TUBGCP5: variants seen among roughly 807,000 people sequenced by gnomAD.
The protein encoded by TUBGCP5 is gamma-tubulin complex component 5.
TUBGCP5 carries 98 observed loss-of-function variants against 134.7 expected under a neutral mutation model. That is an observed-to-expected ratio of 0.73 (90% CI 0.62 to 0.86). The LOEUF (loss-of-function observed/expected upper bound fraction) is 0.86, where lower values mean the gene tolerates loss of function less well. Ranked by LOEUF, TUBGCP5 falls within the 40% of genes least tolerant of loss-of-function variation. The pLI is 0.00. For synonymous variants in TUBGCP5, 456 were observed against 431.4 expected (o/e 1.06, Z -0.71); for missense variants, 1,150 against 1,244.8 (o/e 0.92, Z 1.15).
intron 15 of TUBGCP5, among the ~76,000 whole-genome samples, chr15:23,009,204 T>A (rs1050990055): frequency 6.6e-6 from 1 of 152,088 alleles, no homozygotes; most frequent in Non-Finnish European, 1.5e-5. Context: ...TTCTTTCCTG[T>A]CTTCTCTTCT....
Position 23,011,200 on chromosome 15 carries a change from A to C in TUBGCP5, c.1888T>G (p.Ser630Ala), listed in dbSNP as rs1314083101. ...AGTTCAAGATGGCTTTCAGCAATGG[A>C]CTGCATCTTCATCAGGTTCTCCTTG... The part of the protein sequence containing the change: ...ATKENLMKMQ[S>A]IAESHLELDD... Residue 630 changes from serine to alanine, a missense_variant, in exon 14 of 23, where the codon TCC becomes GCC. Around this residue, in one of 2 missense-constraint regions of TUBGCP5, gnomAD observed 697 missense variants for 850.1 expected, o/e 0.82. Transcript: ENST00000615383. The C allele has an allele frequency of 6.2e-7, 1 of 1,613,874 alleles. No individual in the cohort carries two copies. Among genetic ancestry groups the C allele is most frequent in the African/African-American group, 1.3e-5 (1 of 74,914 alleles).
At chr15:22,989,164 C>T (rs1205232385) in intron 23 of TUBGCP5, among the ~76,000 whole-genome samples, 2 of 152,164 alleles carry the variant, frequency 1.3e-5, no homozygotes, top group African/African-American at 4.8e-5. Flanking sequence ...CTAATTCCAT[C>T]TGCAATTTTA....
chr15:22,986,096 T>G (rs1426751087), intron 23 of TUBGCP5, among the ~76,000 whole-genome samples: 3 of 145,088 alleles, frequency 2.1e-5, no homozygotes, highest in Admixed American at 1.4e-4. Context: ...GTCACGCCAC[T>G]GCACTCCAGC....
intron 23 of TUBGCP5, among the ~76,000 whole-genome samples, chr15:22,987,292 C>T (rs1024317182): frequency 1.3e-5 from 2 of 150,806 alleles, no homozygotes; most frequent in African/African-American, 2.4e-5. Context: ...CAAGATCACT[C>T]CATTGTGCAC....
intron 18 of TUBGCP5, 161 bp from the exon 19 acceptor site, chr15:23,005,771 G>C: frequency 5.2e-6 from 4 of 763,356 alleles, no homozygotes; most frequent in Non-Finnish European, 8.3e-6. Flanking sequence ...GGAAGGTGCA[G>C]TGGGAAAAGT....
chr15:23,022,682 G>T (rs950545909), intron 10 of TUBGCP5, among the ~76,000 whole-genome samples: 1 of 152,196 alleles, frequency 6.6e-6, no homozygotes. Context: ...AAGTTCCTGC[G>T]ACACTGGTGA....
chr15:23,022,899 T>C (rs1300627769), intron 10 of TUBGCP5, among the ~76,000 whole-genome samples: 1 of 152,150 alleles, frequency 6.6e-6, no homozygotes, highest in Admixed American at 6.6e-5. Flanking sequence ...ACAGCTGTCA[T>C]ACTGGTGAAG....
In TUBGCP5 at chr15:23,026,166, T is replaced by C. The variant is rs1283595951; in HGVS notation, c.777A>G (p.Pro259=). The change falls in exon 8 of 23, where the codon CCA becomes CCG. Residue 259 remains proline, a synonymous_variant. Coordinates refer to ENST00000615383, the MANE Select transcript of TUBGCP5 (RefSeq NM_052903.6). ...TCTCAGTAACCAAAACCCTGTCATC[T>C]GGAACATACAATGGATCACTGCTGT... is the stretch of plus-strand genomic sequence containing the variant. ...HLYSSDPLYV[P]DDRVLVTETQ... 2 of 1,611,480 alleles carry C rather than the reference T, an allele frequency of 1.2e-6. No homozygotes were observed. Among genetic ancestry groups the C allele is most frequent in the Admixed American group, 3.4e-5 (2 of 59,196 alleles).
chr15:23,003,641 T>G (rs1013717961), intron 20 of TUBGCP5, among the ~76,000 whole-genome samples: 2 of 103,262 alleles, frequency 1.9e-5, no homozygotes, highest in Non-Finnish European at 4.3e-5. Flanking sequence ...TGTTTTTTTT[T>G]TTTTTTTTTT....
intron 11 of TUBGCP5, among the ~76,000 whole-genome samples, chr15:23,019,608 C>A (rs1176188652): frequency 1.3e-5 from 2 of 151,614 alleles, no homozygotes; most frequent in East Asian, 3.9e-4. Flanking sequence ...ACCATCCTGG[C>A]CAACATGGTG....
intron 5 of TUBGCP5, among the ~76,000 whole-genome samples, chr15:23,031,319 CTT>C (rs950599993): frequency 2.1e-5 from 3 of 144,500 alleles, no homozygotes; most frequent in Non-Finnish European, 3.1e-5. Flanking sequence ...CTTTTAACTT[CTT>C]TTTTTTTTTT....
At chr15:22,983,850 C>T (rs765424938) in intron 23 of TUBGCP5, among the ~76,000 whole-genome samples, 151 of 152,122 alleles carry the variant, frequency 9.9e-4, no homozygotes, top group Non-Finnish European at 3.1e-4. Flanking sequence ...AGGCCAGGTG[C>T]GGTGGCTCAT....
intron 18 of TUBGCP5, 95 bp downstream of exon 18, chr15:23,005,957 C>A: frequency 1.4e-5 from 16 of 1,177,592 alleles, no homozygotes; most frequent in South Asian, 2.0e-5. Flanking sequence ...TTTTTTTTTT[C>A]CAGATCCCCG....
downstream of TUBGCP5, among the ~76,000 whole-genome samples, chr15:22,997,677 C>T (rs911160457): frequency 7.9e-5 from 12 of 151,194 alleles, no homozygotes; most frequent in African/African-American, 2.7e-4. Context: ...AGTGCAGTGG[C>T]ATGATCTCAG....
intron 13 of TUBGCP5, among the ~76,000 whole-genome samples, chr15:23,016,983 T>C (rs546645470): frequency 3.4e-5 from 5 of 145,996 alleles, no homozygotes; most frequent in Admixed American, 2.0e-4. Flanking sequence ...TATATATATA[T>C]ATATGTATAT....
At chr15:23,010,432 T>C (rs769064348) in intron 14 of TUBGCP5, among the ~76,000 whole-genome samples, 68 of 152,226 alleles carry the variant, frequency 4.5e-4, no homozygotes, top group Middle Eastern at 6.8e-3. Flanking sequence ...ATGGACTAAG[T>C]GCCTAAAAGC....
At position 23,030,884 on chromosome 15, in the gene TUBGCP5, C is replaced by A. The variant is rs1285838162; in HGVS notation, c.622+1G>T. The A allele has an allele frequency of 6.2e-7, 1 of 1,609,910 alleles. No homozygotes were observed. The highest frequency in any genetic ancestry group is 8.5e-7 in the Non-Finnish European group (1 of 1,179,180). ...TGCGAGCACCTCATAACACATAATACCTTTCCAACTGATACAAGGATCCAG... is the reference window on the plus strand; with the variant it reads ...TGCGAGCACCTCATAACACATAATAACTTTCCAACTGATACAAGGATCCAG... On this transcript the variant is annotated splice_donor_variant, in intron 6 of 22. Transcript: ENST00000615383. LOFTEE classifies it high-confidence loss of function.
At chr15:22,989,725 T>C (rs112675294) in intron 23 of TUBGCP5, among the ~76,000 whole-genome samples, 5 of 152,220 alleles carry the variant, frequency 3.3e-5, no homozygotes, top group African/African-American at 1.2e-4. Context: ...CATTCCACAA[T>C]AGCATGATCT....
rs202246817 is a variant in TUBGCP5 at position 23,005,499 on chromosome 15, C to A, written c.2645G>T (p.Arg882Leu). ...GAGCTTCACTCTTAAGAGGAACATG[C>A]GATGAATCTGCTGTCTTACTGGTTC... ...QKEPVRQQIHRMFLLRVKLMH... is the reference protein window; with the variant it reads ...QKEPVRQQIHLMFLLRVKLMH... The change falls in exon 19 of 23, where the codon CGC (arginine) becomes CTC (leucine). Residue 882 changes from arginine (R) to leucine (L), a missense_variant. By Grantham distance (102) the Arg-to-Leu change is moderately radical (BLOSUM62 -2). Coordinates refer to ENST00000615383, the MANE Select transcript of TUBGCP5 (RefSeq NM_052903.6). 1 of 1,614,158 alleles carries A rather than the reference C, an allele frequency of 6.2e-7. No homozygotes were observed. The highest frequency in any genetic ancestry group is 8.5e-7 in the Non-Finnish European group (1 of 1,180,026).
Sources: allele counts gnomAD v4.1 joint callset (sites outside exome capture counted in the v4.1 genomes callset), GRCh38; gene constraint gnomAD v4.1.1; regional missense constraint gnomAD v4.1.1; transcripts MANE v1.5; gene names NCBI Gene and HGNC (gene_info 2026-07-23, HGNC 2026-07-21).